Variants in NCK1 observed in about 807,000 individuals in gnomAD.
NCK1 encodes SH2/SH3 adapter protein NCK1.
Under a neutral mutation model 36.6 loss-of-function variants are expected in NCK1, and 19 were observed. That is an observed-to-expected ratio of 0.52 (90% CI 0.36 to 0.76). The LOEUF (loss-of-function observed/expected upper bound fraction) is 0.76. NCK1 is among the 30% of genes least tolerant of loss of function. The pLI is 0.00. For synonymous variants in NCK1, 165 were observed against 156.0 expected (o/e 1.06, Z -0.43); for missense variants, 358 against 445.6 (o/e 0.80, Z 1.77).
intron 1 of NCK1, among the ~76,000 whole-genome samples, chr3:136,888,876 T>G (rs887675043): frequency 3.9e-5 from 6 of 151,900 alleles, no homozygotes; most frequent in Admixed American, 6.6e-5. Context: ...GTTTGTTTTG[T>G]TTTTTTCTTT....
intron 1 of NCK1, among the ~76,000 whole-genome samples, chr3:136,883,353 C>G (rs1938995533): frequency 6.6e-6 from 1 of 152,176 alleles, no homozygotes. Context: ...TTTTTTTTCC[C>G]CTCCTGGAAC....
intron 1 of NCK1, among the ~76,000 whole-genome samples, chr3:136,923,331 G>A (rs533543924): frequency 3.3e-5 from 5 of 152,064 alleles, no homozygotes; most frequent in Admixed American, 6.6e-5. Flanking sequence ...CGAGGCAGGC[G>A]GATCACGAGG....
intron 1 of NCK1, among the ~76,000 whole-genome samples, chr3:136,869,039 A>G (rs1328536131): frequency 6.6e-6 from 1 of 151,756 alleles, no homozygotes; most frequent in Non-Finnish European, 1.5e-5. Flanking sequence ...GGAGTTTGAG[A>G]CCAGCCTGGC....
chr3:136,904,834 ATT>A (rs55815126), intron 1 of NCK1, among the ~76,000 whole-genome samples: 2 of 142,768 alleles, frequency 1.4e-5, no homozygotes, highest in Non-Finnish European at 1.5e-5. Flanking sequence ...GGCTTTTCTC[ATT>A]TTTTTTTTTT....
At chr3:136,866,861 C>A (rs138538279) in intron 1 of NCK1, among the ~76,000 whole-genome samples, 8 of 150,854 alleles carry the variant, frequency 5.3e-5, no homozygotes, top group Non-Finnish European at 8.9e-5. Context: ...GATCCACATG[C>A]GTCGGCTTCC....
chr3:136,904,721 A>G (rs1232120954), intron 1 of NCK1, among the ~76,000 whole-genome samples: 1 of 151,906 alleles, frequency 6.6e-6, no homozygotes, highest in African/African-American at 2.4e-5. Flanking sequence ...ATTTTTACCT[A>G]TTATTTTATT....
chr3:136,907,397 G>A (rs1212304098), intron 1 of NCK1, among the ~76,000 whole-genome samples: 1 of 152,158 alleles, frequency 6.6e-6, no homozygotes, highest in Non-Finnish European at 1.5e-5. Context: ...TACCTGCTTA[G>A]GTTTGTGGGA....
At chr3:136,914,127 G>A (rs748858960) in intron 1 of NCK1, among the ~76,000 whole-genome samples, 1 of 152,214 alleles carries the variant, frequency 6.6e-6, no homozygotes, top group Non-Finnish European at 1.5e-5. Context: ...GTGGCCTCTA[G>A]CTATTGGGAG....
chr3:136,899,632 G>A, intron 1 of NCK1: 1 of 684,394 alleles, frequency 1.5e-6, no homozygotes, highest in Non-Finnish European at 2.7e-6. Flanking sequence ...CTTTTCCCTT[G>A]AATACCACCA....
chr3:136,945,633 G>A lies in NCK1; in HGVS notation c.277G>A (p.Ala93Thr). The A allele has an allele frequency of 6.2e-7, 1 of 1,613,878 alleles. No homozygotes were observed. Among genetic ancestry groups the A allele is most frequent in the Non-Finnish European group, 8.5e-7 (1 of 1,179,880 alleles). ...TAGTGTGCCAGATTCTGCATCTCCTGCTGATGATAGTTTTGTTGACCCAGG... is the reference window on the plus strand; with the variant it reads ...TAGTGTGCCAGATTCTGCATCTCCTACTGATGATAGTTTTGTTGACCCAGG... ...KPSVPDSASPADDSFVDPGER... is the reference protein window; with the variant it reads ...KPSVPDSASPTDDSFVDPGER... The change falls in exon 3 of 4, where the codon GCT (alanine) becomes ACT (threonine). Residue 93 changes from alanine to threonine, a missense_variant. Ala to Thr is a moderately conservative substitution (Grantham distance 58). Coordinates refer to ENST00000481752, the MANE Select transcript of NCK1 (RefSeq NM_001291999.2).
intron 1 of NCK1, among the ~76,000 whole-genome samples, chr3:136,876,586 A>G (rs2108073437): frequency 6.6e-6 from 1 of 151,786 alleles, no homozygotes; most frequent in Admixed American, 6.6e-5. Context: ...TTTTTTTTTA[A>G]ACCAAAAAAC....
At chr3:136,884,553 G>T (rs1270600873) in intron 1 of NCK1, among the ~76,000 whole-genome samples, 2 of 152,044 alleles carry the variant, frequency 1.3e-5, no homozygotes, top group African/African-American at 4.8e-5. Context: ...CGATTCTTGT[G>T]CCTCAGCCTC....
intron 1 of NCK1, among the ~76,000 whole-genome samples, chr3:136,868,662 A>G (rs1036097378): frequency 3.9e-5 from 6 of 152,184 alleles, no homozygotes; most frequent in Non-Finnish European, 7.3e-5. Flanking sequence ...TCTGCTAAAA[A>G]ATGAATCTCT....
At position 136,877,357 on chromosome 3, in the gene NCK1, T is replaced by C. The variant is rs1938803384; in HGVS notation, c.-19+15004T>C. On this transcript the variant is annotated intron_variant, in intron 1 of 3. Transcript: ENST00000481752. ...AAAAAAACTAGAAAATTGTCAGCTG[T>C]TTGAAGATAAGCAATATATTTCTGA... Among the ~76,000 whole-genome samples the C allele has an allele frequency of 1.3e-5, 2 of 152,142 alleles. 1 individual carries two copies. Among genetic ancestry groups the C allele is most frequent in the South Asian group, 4.1e-4 (2 of 4,824 alleles).
intron 1 of NCK1, among the ~76,000 whole-genome samples, chr3:136,886,582 A>G (rs1939079665): frequency 2.0e-5 from 3 of 152,096 alleles, no homozygotes; most frequent in Admixed American, 2.0e-4. Context: ...GGTTGAATTC[A>G]TAGATGCGGA....
chr3:136,936,957 A>C (rs1260313412), intron 2 of NCK1, among the ~76,000 whole-genome samples: 1 of 152,212 alleles, frequency 6.6e-6, no homozygotes, highest in Non-Finnish European at 1.5e-5. Flanking sequence ...TGTTATACAC[A>C]AATGTTTTCA....
intron 1 of NCK1, among the ~76,000 whole-genome samples, chr3:136,901,321 T>C (rs1364839439): frequency 6.6e-6 from 1 of 152,108 alleles, no homozygotes; most frequent in East Asian, 1.9e-4. Flanking sequence ...TGAGAATTTT[T>C]ATCTCTGTGT....
At chr3:136,916,872 TGACAGGCCC>T (rs1246331289) in intron 1 of NCK1, among the ~76,000 whole-genome samples, 1 of 152,208 alleles carries the variant, frequency 6.6e-6, no homozygotes, top group Non-Finnish European at 1.5e-5. Context: ...GAGGTTGGTA[TGACAGGCCC>T]TGAGTGATCA....
chr3:136,871,936 T>C (rs139621009), intron 1 of NCK1, among the ~76,000 whole-genome samples: 53 of 152,340 alleles, frequency 3.5e-4, no homozygotes, highest in African/African-American at 1.2e-3. Flanking sequence ...TCTCCTGCCA[T>C]GTGGAACTGT....
Sources: gnomAD v4.1 joint callset for allele counts (sites outside exome capture counted in the v4.1 genomes callset) on GRCh38, gnomAD v4.1.1 for gene constraint, MANE v1.5 for transcripts, NCBI Gene and HGNC (gene_info 2026-07-23, HGNC 2026-07-21) for gene names.